FBXL13: variants seen among roughly 807,000 people sequenced by gnomAD.
FBXL13 encodes F-box and leucine-rich repeat protein 13.
FBXL13 carries 67 observed loss-of-function variants against 83.6 expected under a neutral mutation model. That is an observed-to-expected ratio of 0.80 (90% CI 0.66 to 0.98). The LOEUF is 0.98. FBXL13 is among the 50% of genes least tolerant of loss of function. FBXL13 has a pLI of 0.00. For synonymous variants in FBXL13, 272 were observed against 299.5 expected, an observed-to-expected ratio of 0.91 and a Z score of 0.95; for missense variants, 822 against 866.5, an observed-to-expected ratio of 0.95 and a Z score of 0.64.
At chr7:102,994,331 AC>A (rs1829876518) in intron 6 of FBXL13, among the ~76,000 whole-genome samples, 1 of 151,944 alleles carries the variant, frequency 6.6e-6, no homozygotes, top group African/African-American at 2.4e-5. Context: ...TTTTTTAAGG[AC>A]AGGACAACTA....
chr7:102,932,759 C>A (rs1194781126), intron 8 of FBXL13, among the ~76,000 whole-genome samples: 1 of 151,984 alleles, frequency 6.6e-6, no homozygotes, highest in Non-Finnish European at 1.5e-5. Context: ...CAGGTGCATA[C>A]CACCATGCCC....
chr7:102,973,556 A>G (rs1401506432), intron 6 of FBXL13: 1 of 765,048 alleles, frequency 1.3e-6, no homozygotes, highest in African/African-American at 1.7e-5. Context: ...GTTGCTCCAC[A>G]CTGCCTCGTG....
chr7:103,042,948 A>G (rs1430144418), intron 2 of FBXL13, among the ~76,000 whole-genome samples: 3 of 152,250 alleles, frequency 2.0e-5, no homozygotes, highest in Admixed American at 6.5e-5. Context: ...AGCAATGGCA[A>G]CAAAAGCCAA....
intron 6 of FBXL13, among the ~76,000 whole-genome samples, chr7:103,020,262 C>T (rs1184676938): frequency 6.6e-6 from 1 of 152,138 alleles, no homozygotes; most frequent in African/African-American, 2.4e-5. Context: ...AGGCCTTTGA[C>T]AAAATTCAAC....
chr7:103,073,987 A>G lies in FBXL13; in HGVS notation c.-105+259T>C, dbSNP rs570723636. Among the ~76,000 whole-genome samples, 9 of 152,330 alleles carry G rather than the reference A, an allele frequency of 5.9e-5. No homozygotes were observed. The South Asian group carries it at 1.7e-3, about 28-fold the overall frequency. ...TATTTGTAGAGAAAAAAAGAGGTCA[A>G]CAAAGGCAAATGTTCTCAGCTTCCT... On this transcript the variant is annotated intron_variant, in intron 1 of 19. Transcript: ENST00000313221.
chr7:102,868,088 C>A (rs1808013833), intron 16 of FBXL13, among the ~76,000 whole-genome samples: 1 of 152,102 alleles, frequency 6.6e-6, no homozygotes, highest in African/African-American at 2.4e-5. Context: ...CACATGTAGA[C>A]ATTGTGTAAT....
At chr7:102,879,696 T>G (rs1317961181) in intron 14 of FBXL13, among the ~76,000 whole-genome samples, 1 of 152,078 alleles carries the variant, frequency 6.6e-6, no homozygotes, top group Non-Finnish European at 1.5e-5. Context: ...CATCTATAGT[T>G]TTTTTTGTAT....
rs114743359 is a variant in FBXL13 at position 103,033,367 on chromosome 7, G to A, written c.1-3949C>T. On this transcript the variant is annotated intron_variant, in intron 2 of 19. Coordinates refer to ENST00000313221, the Ensembl canonical transcript of FBXL13. Reference sequence around the variant, plus strand: ...CACTATTTGTGCAATACAAAGTGAAGGAAAGGCATTGTGTCCAGAATTGGT... The same window carrying A: ...CACTATTTGTGCAATACAAAGTGAAAGAAAGGCATTGTGTCCAGAATTGGT... 2.2e-3 allele frequency among the ~76,000 whole-genome samples: 340 copies of A among 152,296 alleles called. 3 individuals carry two copies. The highest frequency in any genetic ancestry group is 8.0e-3 in the African/African-American group (332 of 41,572).
At chr7:102,814,750 A>C (rs948461475) in intron 19 of FBXL13, among the ~76,000 whole-genome samples, 3 of 152,232 alleles carry the variant, frequency 2.0e-5, no homozygotes, top group Non-Finnish European at 4.4e-5. Context: ...CTTCAGAGAA[A>C]TATTTATTCT....
At chr7:102,970,252 A>AAAAAT (rs1331587314) in intron 6 of FBXL13, among the ~76,000 whole-genome samples, 1 of 152,216 alleles carries the variant, frequency 6.6e-6, no homozygotes, top group African/African-American at 2.4e-5. Flanking sequence ...CTCTGTCTCA[A>AAAAAT]AAAATAAAAT....
upstream of FBXL13, chr7:103,074,591 C>T: frequency 2.4e-6 from 3 of 1,248,954 alleles, no homozygotes; most frequent in Non-Finnish European, 3.1e-6. Context: ...CTCCACTCCT[C>T]CCCAATCCCG....
intron 6 of FBXL13, among the ~76,000 whole-genome samples, chr7:103,004,658 A>T (rs897511670): frequency 6.6e-6 from 1 of 152,152 alleles, no homozygotes; most frequent in African/African-American, 2.4e-5. Context: ...CACTTTTTCC[A>T]GTGTGGAAAT....
At chr7:102,940,453 G>A (rs1821208027) in intron 8 of FBXL13, among the ~76,000 whole-genome samples, 1 of 151,390 alleles carries the variant, frequency 6.6e-6, no homozygotes, top group Non-Finnish European at 1.5e-5. Context: ...CTCATGATCC[G>A]CCCACCTCAG....
intron 11 of FBXL13, among the ~76,000 whole-genome samples, chr7:102,909,087 C>T (rs1199316186): frequency 1.3e-5 from 2 of 152,194 alleles, no homozygotes; most frequent in African/African-American, 4.8e-5. Context: ...TATTGCACTG[C>T]GGCTGAGCTG....
chr7:103,037,674 C>G (rs987405720), intron 2 of FBXL13, among the ~76,000 whole-genome samples: 3 of 151,732 alleles, frequency 2.0e-5, no homozygotes, highest in Non-Finnish European at 4.4e-5. Flanking sequence ...GGTGTGGTAG[C>G]TCACATCTAG....
At chr7:102,895,571 A>G (rs758373486) in intron 11 of FBXL13, among the ~76,000 whole-genome samples, 57 of 152,204 alleles carry the variant, frequency 3.7e-4, no homozygotes, top group Non-Finnish European at 4.4e-5. Flanking sequence ...GCTTCCCAGC[A>G]TGTCTGGTTG....
intron 1 of FBXL13, among the ~76,000 whole-genome samples, chr7:103,063,598 G>A (rs1032845508): frequency 6.6e-6 from 1 of 151,606 alleles, no homozygotes; most frequent in Non-Finnish European, 1.5e-5. Context: ...AGAAAATAAA[G>A]CCCTCTATCA....
intron 6 of FBXL13, among the ~76,000 whole-genome samples, chr7:103,003,211 G>C (rs1307214783): frequency 6.7e-6 from 1 of 150,154 alleles, no homozygotes; most frequent in Non-Finnish European, 1.5e-5. Context: ...TTTTAGCTCA[G>C]CAAATGCATT....
chr7:102,896,873 T>C (rs1323836700), intron 11 of FBXL13, among the ~76,000 whole-genome samples: 1 of 152,212 alleles, frequency 6.6e-6, no homozygotes, highest in Non-Finnish European at 1.5e-5. Flanking sequence ...CATATAAATG[T>C]TGTTCATTCC....
Sources: allele counts gnomAD v4.1 joint callset (sites outside exome capture counted in the v4.1 genomes callset), GRCh38; gene constraint gnomAD v4.1.1; transcripts MANE v1.5; gene names NCBI Gene and HGNC (gene_info 2026-07-23, HGNC 2026-07-21).